The following CDIN1 variants were observed in gnomAD, a reference collection of about 807,000 sequenced individuals.
CDIN1 encodes the protein CDAN1-interacting nuclease 1.
CDIN1 carries 33 observed loss-of-function variants against 45.3 expected under a neutral mutation model. That is an observed-to-expected ratio of 0.73 (90% CI 0.55 to 0.97). CDIN1 has a LOEUF of 0.97. Ranked by LOEUF, CDIN1 falls within the 50% of genes least tolerant of loss-of-function variation. CDIN1 has a pLI of 0.00. For synonymous variants in CDIN1, 118 were observed against 124.4 expected (o/e 0.95, Z 0.34); for missense variants, 303 against 339.4 (o/e 0.89, Z 0.84).
intron 10 of CDIN1, among the ~76,000 whole-genome samples, chr15:36,774,170 G>C (rs1452491608): frequency 6.6e-6 from 1 of 151,678 alleles, no homozygotes; most frequent in African/African-American, 2.4e-5. Context: ...GTGTGCGCGC[G>C]CGCGCATGCA....
At chr15:36,729,431 A>C (rs1162357648) in intron 10 of CDIN1, among the ~76,000 whole-genome samples, 1 of 152,204 alleles carries the variant, frequency 6.6e-6, no homozygotes, top group Non-Finnish European at 1.5e-5. Context: ...TTTCTTAATC[A>C]AAGTAGCAAA....
At chr15:36,671,174 A>G (rs1406917702) in intron 5 of CDIN1, among the ~76,000 whole-genome samples, 1 of 152,144 alleles carries the variant, frequency 6.6e-6, no homozygotes, top group Non-Finnish European at 1.5e-5. Context: ...TTCTCCTTCC[A>G]GTGCAGCCAC....
At chr15:36,716,389 T>G (rs963809694) in intron 10 of CDIN1, among the ~76,000 whole-genome samples, 3 of 151,842 alleles carry the variant, frequency 2.0e-5, no homozygotes, top group Non-Finnish European at 4.4e-5. Context: ...CCAGAGAGGG[T>G]AAGGGAAAAA....
intron 5 of CDIN1, among the ~76,000 whole-genome samples, chr15:36,677,739 T>G (rs577762963): frequency 1.0e-3 from 159 of 152,132 alleles, no homozygotes; most frequent in African/African-American, 3.3e-3. Flanking sequence ...AGAGAAGGCT[T>G]TAATGGAGGA....
chr15:36,617,485 C>G (rs190803631), intron 1 of CDIN1: 3 of 918,660 alleles, frequency 3.3e-6, no homozygotes, highest in Non-Finnish European at 5.5e-6. Context: ...CTGGTTTTCA[C>G]GAGAAAATTT....
At chr15:36,646,695 A>G (rs1290961819) in intron 3 of CDIN1, among the ~76,000 whole-genome samples, 5 of 152,200 alleles carry the variant, frequency 3.3e-5, no homozygotes, top group African/African-American at 1.2e-4. Context: ...TGTAAACATT[A>G]TAGTCCTAGG....
chr15:36,659,166 T>C (rs993159102), intron 5 of CDIN1, among the ~76,000 whole-genome samples: 1 of 152,174 alleles, frequency 6.6e-6, no homozygotes, highest in Non-Finnish European at 1.5e-5. Context: ...CTGGCCTATA[T>C]AGAGCAGTAT....
intron 10 of CDIN1, among the ~76,000 whole-genome samples, chr15:36,765,584 C>T (rs2053900744): frequency 2.0e-5 from 3 of 152,056 alleles, no homozygotes; most frequent in Admixed American, 2.0e-4. Flanking sequence ...AGGCCATGTT[C>T]CATTAAATGT....
chr15:36,722,003 G>T (rs1467163899), intron 10 of CDIN1, among the ~76,000 whole-genome samples: 1 of 151,882 alleles, frequency 6.6e-6, no homozygotes. Context: ...CCATCACTCT[G>T]GGATTACTGT....
chr15:36,653,671 G>T (rs1681583453), intron 3 of CDIN1, among the ~76,000 whole-genome samples: 1 of 152,144 alleles, frequency 6.6e-6, no homozygotes, highest in Non-Finnish European at 1.5e-5. Context: ...TTCTTAATAA[G>T]GTGTCAAGCA....
chr15:36,614,100 A>C (rs988629541), intron 1 of CDIN1: 1 of 808,566 alleles, frequency 1.2e-6, no homozygotes, highest in African/African-American at 1.7e-5. Flanking sequence ...TCGGTAGCCA[A>C]GCTGGAAATG....
At chr15:36,717,880 G>A (rs1268151315) in intron 10 of CDIN1, among the ~76,000 whole-genome samples, 1 of 152,042 alleles carries the variant, frequency 6.6e-6, no homozygotes, top group African/African-American at 2.4e-5. Flanking sequence ...CCTAATAGTT[G>A]TGTAAAAATG....
At position 36,686,312 on chromosome 15, in the gene CDIN1, A is replaced by G. The variant is rs866486407; in HGVS notation, c.347-5373A>G. Among the ~76,000 whole-genome samples, 1,264 of 150,442 alleles carry G rather than the reference A, an allele frequency of 8.4e-3. 15 individuals carry two copies. Among genetic ancestry groups the G allele is most frequent in the African/African-American group, 0.029 (1,196 of 40,972 alleles). ...ATTCTCAGTAAACTATCGCAAGAAC[A>G]AAAAAACAAACACCGCATATTCTCA... is the stretch of plus-strand genomic sequence containing the variant. On this transcript the variant is annotated intron_variant, in intron 5 of 10. Transcript: ENST00000566621.
At chr15:36,772,131 T>C (rs1411071636) in intron 10 of CDIN1, among the ~76,000 whole-genome samples, 2 of 152,172 alleles carry the variant, frequency 1.3e-5, no homozygotes, top group Non-Finnish European at 1.5e-5. Context: ...CAACACATCA[T>C]ATCTTCAAGT....
chr15:36,747,012 G>A, intron 10 of CDIN1: 1 of 397,934 alleles, frequency 2.5e-6, no homozygotes, highest in Non-Finnish European at 4.4e-6. Context: ...GCCACCCAAA[G>A]TGCTGGAATT....
At chr15:36,627,935 G>A (rs1448678622) in intron 1 of CDIN1, among the ~76,000 whole-genome samples, 1 of 129,990 alleles carries the variant, frequency 7.7e-6, no homozygotes, top group Non-Finnish European at 1.7e-5. Flanking sequence ...GAAGTGGGAG[G>A]CCTGTAATTT....
intron 10 of CDIN1, among the ~76,000 whole-genome samples, chr15:36,748,117 A>T (rs1003354309): frequency 6.6e-6 from 1 of 152,090 alleles, no homozygotes; most frequent in African/African-American, 2.4e-5. Flanking sequence ...AAATCTCTCA[A>T]TTTCTCTCTC....
In CDIN1 at chr15:36,751,229, T is replaced by TATATATATATATATA. The variant is rs1555404178; in HGVS notation, c.716+41268_716+41269insATATATATATATATA. On this transcript the variant is annotated intron_variant, in intron 10 of 10. Transcript: ENST00000566621. The stretch of plus-strand genomic sequence containing the variant: ...ATAAAAGCATATATATATGCTTATT[T>TATATATATATATATA]TATATATATATATATATATATATAT... 6.0e-3 allele frequency among the ~76,000 whole-genome samples: 586 copies of TATATATATATATATA among 97,408 alleles called. 20 individuals are homozygous for TATATATATATATATA. The highest frequency in any genetic ancestry group is 0.015 in the East Asian group (30 of 1,972). The allele number at this position is 97,408 out of a possible 152,430, so 63.9% of individuals were successfully genotyped here. A position where few individuals can be genotyped will look rare whatever the true frequency, so the allele number is the denominator to read the frequency against.
chr15:36,583,911 G>A (rs982243723), intron 1 of CDIN1, among the ~76,000 whole-genome samples: 2 of 152,108 alleles, frequency 1.3e-5, no homozygotes, highest in African/African-American at 4.8e-5. Context: ...AGCTACTCAG[G>A]AGACTGAGGC....
Sources: allele counts gnomAD v4.1 joint callset (sites outside exome capture counted in the v4.1 genomes callset), GRCh38; gene constraint gnomAD v4.1.1; transcripts MANE v1.5; gene names NCBI Gene and HGNC (gene_info 2026-07-23, HGNC 2026-07-21).